PLXNC1: variants seen among roughly 807,000 people sequenced by gnomAD.
PLXNC1 encodes the protein plexin-C1.
Under a neutral mutation model 178.2 loss-of-function variants are expected in PLXNC1, and 75 were observed. That is an observed-to-expected ratio of 0.42 (90% CI 0.35 to 0.51). The LOEUF (loss-of-function observed/expected upper bound fraction) is 0.51. PLXNC1 is among the 20% of genes least tolerant of loss of function. PLXNC1 has a pLI of 0.02. For synonymous variants in PLXNC1, 790 were observed against 779.9 expected (o/e 1.01, Z -0.22); for missense variants, 1,503 against 1,984.4 (o/e 0.76, Z 4.61).
At chr12:94,226,562 T>G (rs570519920) in intron 7 of PLXNC1, 43 bp from the exon 8 acceptor site, 52 of 1,325,780 alleles carry the variant, frequency 3.9e-5, no homozygotes, top group Non-Finnish European at 5.3e-5. Flanking sequence ...ATGTGAACAT[T>G]GTCCTAAAAC....
At chr12:94,175,173 G>A (rs1000889772) in intron 2 of PLXNC1, among the ~76,000 whole-genome samples, 3 of 151,946 alleles carry the variant, frequency 2.0e-5, no homozygotes, top group Non-Finnish European at 4.4e-5. Flanking sequence ...GCATATGTGT[G>A]TGTGAGCTTG....
In PLXNC1 at chr12:94,221,723, A is replaced by C. The variant is rs1226268229; in HGVS notation, c.1702+1560A>C. Among the ~76,000 whole-genome samples the C allele has an allele frequency of 2.0e-5, 3 of 152,196 alleles. No homozygotes were observed. In the East Asian group the frequency reaches 5.8e-4, roughly 29 times the overall value. ...CCAAGGTCAAGGCTCCAGCAGATTC[A>C]GTGTCTGGTAATGGCTTGGCCTCTG... On this transcript the variant is annotated intron_variant, in intron 6 of 30. Transcript: ENST00000258526.
intron 4 of PLXNC1, among the ~76,000 whole-genome samples, chr12:94,195,024 C>T (rs1265631510): frequency 5.3e-5 from 8 of 151,958 alleles, no homozygotes; most frequent in Admixed American, 3.3e-4. Flanking sequence ...GAAGAATCAG[C>T]GCAGTGAGAG....
chr12:94,277,805 C>T, intron 21 of PLXNC1: 1 of 372,544 alleles, frequency 2.7e-6, no homozygotes, highest in South Asian at 2.0e-5. Flanking sequence ...CCTTTCCCAG[C>T]AGCCTGGCCC....
At chr12:94,286,470 G>A (rs1966843705) in intron 23 of PLXNC1, among the ~76,000 whole-genome samples, 1 of 151,966 alleles carries the variant, frequency 6.6e-6, no homozygotes, top group Admixed American at 6.5e-5. Context: ...TGACAGGGCT[G>A]GGCTGAAGTT....
At chr12:94,249,951 A>G (rs1459996270) in intron 14 of PLXNC1, among the ~76,000 whole-genome samples, 6 of 80,676 alleles carry the variant, frequency 7.4e-5, no homozygotes, top group Non-Finnish European at 1.5e-4. Context: ...GGGGGTGGGA[A>G]CAGGAGCAGG....
chr12:94,162,067 G>A (rs917720169), intron 1 of PLXNC1, among the ~76,000 whole-genome samples: 1 of 152,196 alleles, frequency 6.6e-6, no homozygotes, highest in African/African-American at 2.4e-5. Context: ...TAAAGATGGA[G>A]TCTACTGGGA....
intron 24 of PLXNC1, among the ~76,000 whole-genome samples, chr12:94,294,758 C>A (rs1410766858): frequency 6.6e-6 from 1 of 152,154 alleles, no homozygotes; most frequent in African/African-American, 2.4e-5. Flanking sequence ...CCTGGACTGC[C>A]CAGCACTGAG....
At chr12:94,233,653 C>T (rs1325146526) in intron 9 of PLXNC1, among the ~76,000 whole-genome samples, 1 of 152,198 alleles carries the variant, frequency 6.6e-6, no homozygotes, top group African/African-American at 2.4e-5. Context: ...TCTCAAGTTC[C>T]CTGGAGCCTG....
rs1352106653 is a variant in PLXNC1 at position 94,149,239 on chromosome 12, C to A, written c.268C>A (p.Pro90Thr). ...YRDQAGNCTE[P>T]VSLAPPARPR... ...GGACCAAGCGGGCAACTGCACAGAGCCGGTCTCGCTGGCGCCCCCCGCGCG... is the reference window on the plus strand; with the variant it reads ...GGACCAAGCGGGCAACTGCACAGAGACGGTCTCGCTGGCGCCCCCCGCGCG... The change falls in exon 1 of 31, where the codon CCG becomes ACG. Residue 90 changes from proline (P) to threonine (T), a missense_variant. Physicochemically the swap from Pro to Thr is conservative, Grantham distance 38. Transcript: ENST00000258526. The A allele has an allele frequency of 3.8e-6, 6 of 1,563,924 alleles. No individual in the cohort carries two copies. The highest frequency in any genetic ancestry group is 5.2e-6 in the Non-Finnish European group (6 of 1,161,804).
At chr12:94,205,776 TCCC>T (rs1963280201) in intron 4 of PLXNC1, among the ~76,000 whole-genome samples, 1 of 152,164 alleles carries the variant, frequency 6.6e-6, no homozygotes, top group Non-Finnish European at 1.5e-5. Flanking sequence ...GTTTCTGGGG[TCCC>T]CATCCCTGTG....
At chr12:94,247,792 T>A in intron 12 of PLXNC1, 111 bp from the exon 13 acceptor site, 1 of 912,302 alleles carries the variant, frequency 1.1e-6, no homozygotes, top group Non-Finnish European at 1.7e-6. Context: ...ATATTACACA[T>A]GAGAAAACAG....
At chr12:94,298,549 T>A in intron 26 of PLXNC1, 83 bp from the exon 27 acceptor site, 1 of 1,108,026 alleles carries the variant, frequency 9.0e-7, no homozygotes. Context: ...TTTCTCTGAA[T>A]GTGGATTTGC....
At chr12:94,292,467 AG>A (rs1469334505) in intron 23 of PLXNC1, among the ~76,000 whole-genome samples, 2 of 152,354 alleles carry the variant, frequency 1.3e-5, no homozygotes, top group East Asian at 3.9e-4. Flanking sequence ...TACATTTCAA[AG>A]CTTTTATTAA....
At chr12:94,297,460 T>G (rs748923366) in intron 26 of PLXNC1, 37 bp downstream of exon 26, 1 of 1,345,844 alleles carries the variant, frequency 7.4e-7, no homozygotes, top group South Asian at 1.2e-5. Flanking sequence ...TATGGCTACC[T>G]AGGGGGTGTA....
intron 23 of PLXNC1, among the ~76,000 whole-genome samples, chr12:94,288,867 TGA>T (rs1966975687): frequency 6.6e-6 from 1 of 152,232 alleles, no homozygotes; most frequent in Non-Finnish European, 1.5e-5. Context: ...ATTTCAGGAA[TGA>T]GAGATTTCAA....
At chr12:94,295,518 G>A (rs1361605607) in intron 24 of PLXNC1, among the ~76,000 whole-genome samples, 3 of 152,078 alleles carry the variant, frequency 2.0e-5, no homozygotes, top group East Asian at 1.9e-4. Flanking sequence ...GGATCTCTTC[G>A]TGGGCCCTCC....
In PLXNC1 at chr12:94,181,529, C is replaced by T. The variant is rs758613620; in HGVS notation, c.1287C>T (p.Leu429=). Residue 429 remains leucine, a synonymous_variant, in exon 3 of 31, where the codon CTC becomes CTT. Transcript: ENST00000258526. Reference sequence around the variant, plus strand: ...AAGAGACACCTGTTTTCTACAAACTCGTTCCTGATCCTGTGAAGAATATCT... The same window carrying T: ...AAGAGACACCTGTTTTCTACAAACTTGTTCCTGATCCTGTGAAGAATATCT... The part of the protein sequence containing the change: ...IKEETPVFYK[L]VPDPVKNIYI... 2.0e-5 allele frequency: 32 copies of T among 1,607,596 alleles called. No individual in the cohort carries two copies. Among genetic ancestry groups the T allele is most frequent in the East Asian group, 6.7e-5 (3 of 44,794 alleles).
intron 24 of PLXNC1, among the ~76,000 whole-genome samples, chr12:94,296,002 T>C (rs1322485584): frequency 6.6e-6 from 1 of 152,136 alleles, no homozygotes; most frequent in African/African-American, 2.4e-5. Flanking sequence ...AGGCTGACCT[T>C]CTTCCATTCA....
Sources: gnomAD v4.1 joint callset for allele counts (sites outside exome capture counted in the v4.1 genomes callset) on GRCh38, gnomAD v4.1.1 for gene constraint, MANE v1.5 for transcripts, NCBI Gene and HGNC (gene_info 2026-07-23, HGNC 2026-07-21) for gene names.